Variants in FLRT2 observed in about 807,000 individuals in gnomAD.
The protein encoded by FLRT2 is fibronectin leucine rich transmembrane protein 2.
Under a neutral mutation model 40.0 loss-of-function variants are expected in FLRT2, and 15 were observed. The observed-to-expected ratio is 0.38, with a 90% CI of 0.25 to 0.58. FLRT2 has a LOEUF of 0.58. Ranked by LOEUF, FLRT2 falls within the 20% of genes least tolerant of loss-of-function variation. The pLI, the probability that FLRT2 is intolerant of heterozygous loss-of-function variation, is 0.71. For synonymous variants in FLRT2, 380 were observed against 336.8 expected (o/e 1.13, Z -1.41); for missense variants, 726 against 840.0 (o/e 0.86, Z 1.68).
Position 85,649,976 on chromosome 14 carries a change from A to C in FLRT2, c.*26479A>C. On this transcript the variant is annotated 3_prime_UTR_variant, in exon 2 of 2. Transcript: ENST00000330753. ...AACACAAGAAAGTAAAGAAAGTAATACAAGGAACACTCATGTACACATCAA... is the reference window on the plus strand; with the variant it reads ...AACACAAGAAAGTAAAGAAAGTAATCCAAGGAACACTCATGTACACATCAA... 1 of 152,162 alleles carries C rather than the reference A, an allele frequency of 6.6e-6. No individual in the cohort carries two copies. Among genetic ancestry groups the C allele is most frequent in the African/African-American group, 2.4e-5 (1 of 41,556 alleles). The allele number at this position is 152,162 out of a possible 1,614,324, so 9.4% of individuals were successfully genotyped here. A position where few individuals can be genotyped will look rare whatever the true frequency, so the allele number is the denominator to read the frequency against.
intron 1 of FLRT2, among the ~76,000 whole-genome samples, chr14:85,596,270 G>A (rs2139325401): frequency 6.6e-6 from 1 of 152,240 alleles, no homozygotes; most frequent in South Asian, 2.1e-4. Context: ...CTGTCCTCGC[G>A]GATTTAGGTG....
At chr14:85,547,289 A>C (rs1289453635) in intron 1 of FLRT2, among the ~76,000 whole-genome samples, 1 of 150,968 alleles carries the variant, frequency 6.6e-6, no homozygotes, top group Admixed American at 6.6e-5. Context: ...GTGATGTAAA[A>C]TTTTACCAAA....
intron 1 of FLRT2, among the ~76,000 whole-genome samples, chr14:85,619,575 A>T (rs1471380941): frequency 6.6e-6 from 1 of 152,188 alleles, no homozygotes; most frequent in African/African-American, 2.4e-5. Context: ...AACATCCTTG[A>T]CACTTAAATA....
Position 85,542,548 on chromosome 14 carries a change from G to A in FLRT2, c.-377+12014G>A, listed in dbSNP as rs1209500324. 1.2e-4 allele frequency among the ~76,000 whole-genome samples: 19 copies of A among 152,082 alleles called. 1 individual carries two copies. The highest frequency in any genetic ancestry group is 1.2e-3 in the Admixed American group (19 of 15,270). On this transcript the variant is annotated intron_variant, in intron 1 of 1. Transcript: ENST00000330753. ...ACCTGAGAGAAGCAGGCACTAGAGT[G>A]TATTTTGTAAGCTGTTAACATCTTA...
intron 1 of FLRT2, among the ~76,000 whole-genome samples, chr14:85,541,071 A>G (rs1888960023): frequency 6.6e-6 from 1 of 152,196 alleles, no homozygotes; most frequent in Non-Finnish European, 1.5e-5. Context: ...TGTCCTTAAT[A>G]TGATAAAAAT....
rs996676523 is a variant in FLRT2 at position 85,634,990 on chromosome 14, TCTGTGTG to T, written c.*11496_*11502del. 1.3e-5 allele frequency: 2 copies of T among 152,218 alleles called. No homozygotes were observed. Among genetic ancestry groups the T allele is most frequent in the African/African-American group, 4.8e-5 (2 of 41,456 alleles). The allele number at this position is 152,218 out of a possible 1,614,324, so 9.4% of individuals were successfully genotyped here. ...TTTGGTTCATTGGACTGATTTGTGT[TCTGTGTG>T]CTTTTAAAATTCAGGAAGATGTGAC... On this transcript the variant is annotated 3_prime_UTR_variant, in exon 2 of 2. Transcript: ENST00000330753.
chr14:85,609,628 T>G (rs1203448007), intron 1 of FLRT2, among the ~76,000 whole-genome samples: 1 of 152,160 alleles, frequency 6.6e-6, no homozygotes, highest in Non-Finnish European at 1.5e-5. Flanking sequence ...GAGACTTGGT[T>G]CTAGAAACAT....
At chr14:85,543,334 A>G (rs1459378088) in intron 1 of FLRT2, among the ~76,000 whole-genome samples, 1 of 151,966 alleles carries the variant, frequency 6.6e-6, no homozygotes, top group Non-Finnish European at 1.5e-5. Context: ...GACTTTCTGA[A>G]AGTTTTTCTG....
intron 1 of FLRT2, among the ~76,000 whole-genome samples, chr14:85,606,281 G>A (rs1313474502): frequency 6.6e-6 from 1 of 152,236 alleles, no homozygotes; most frequent in East Asian, 1.9e-4. Flanking sequence ...TTTGTTGAGG[G>A]TGTGAGAACA....
intron 1 of FLRT2, among the ~76,000 whole-genome samples, chr14:85,601,161 T>A (rs2139333552): frequency 6.6e-6 from 1 of 152,130 alleles, no homozygotes; most frequent in African/African-American, 2.4e-5. Context: ...GAAGCTGAAG[T>A]GCTGTAGGTA....
At position 85,648,405 on chromosome 14, in the gene FLRT2, T is replaced by C. The variant is rs1894359005; in HGVS notation, c.*24908T>C. On this transcript the variant is annotated 3_prime_UTR_variant, in exon 2 of 2. Transcript: ENST00000330753. Reference sequence around the variant, plus strand: ...AACGAGGTTTCACCATTAAATATACTTATACATTTGGAAAGGCAAAAATGA... The same window carrying C: ...AACGAGGTTTCACCATTAAATATACCTATACATTTGGAAAGGCAAAAATGA... The C allele has an allele frequency of 6.6e-6, 1 of 152,118 alleles. No homozygotes were observed. The highest frequency in any genetic ancestry group is 1.5e-5 in the Non-Finnish European group (1 of 68,022). 9.4% of individuals were successfully genotyped at this position (152,118 alleles called of 1,614,324 possible).
chr14:85,564,291 A>G (rs1275531141), intron 1 of FLRT2, among the ~76,000 whole-genome samples: 1 of 152,220 alleles, frequency 6.6e-6, no homozygotes, highest in African/African-American at 2.4e-5. Context: ...AATTGCCTAT[A>G]TCAGTTTAGA....
chr14:85,532,685 C>T (rs1439266721), intron 1 of FLRT2, among the ~76,000 whole-genome samples: 1 of 152,104 alleles, frequency 6.6e-6, no homozygotes, highest in Non-Finnish European at 1.5e-5. Context: ...TGGATTACTC[C>T]CCCAGTTAAA....
chr14:85,599,380 T>C (rs1020933719), intron 1 of FLRT2, among the ~76,000 whole-genome samples: 3 of 152,138 alleles, frequency 2.0e-5, no homozygotes, highest in Admixed American at 1.3e-4. Flanking sequence ...ATCTTATAAG[T>C]AGGGCGCTAC....
At position 85,623,065 on chromosome 14, in the gene FLRT2, C is replaced by T; in HGVS notation, c.1551C>T (p.Ser517=). The T allele has an allele frequency of 6.2e-7, 1 of 1,614,176 alleles. No individual in the cohort carries two copies. The highest frequency in any genetic ancestry group is 8.5e-7 in the Non-Finnish European group (1 of 1,180,018). Residue 517 remains serine, a synonymous_variant, in exon 2 of 2, where the codon TCC becomes TCT. Coordinates refer to ENST00000330753, the MANE Select transcript of FLRT2 (RefSeq NM_013231.6). ...TICSEATTHA[S]YLNNGSNTAS... ...GTTCAGAGGCCACCACCCATGCCTC[C>T]TATCTGAACAACGGCAGCAACACAG...
At position 85,622,184 on chromosome 14, in the gene FLRT2, G is replaced by A; in HGVS notation, c.670G>A (p.Gly224Ser). 1 of 1,614,048 alleles carries A rather than the reference G, an allele frequency of 6.2e-7. No homozygotes were observed. Reference sequence around the variant, plus strand: ...CCTGACCAACAAGGGTATCGCCGAGGGCACCTTCAGCCATCTCACCAAGCT... The same window carrying A: ...CCTGACCAACAAGGGTATCGCCGAGAGCACCTTCAGCCATCTCACCAAGCT... ...NLLTNKGIAEGTFSHLTKLKE... is the reference protein window; with the variant it reads ...NLLTNKGIAESTFSHLTKLKE... The change falls in exon 2 of 2, where the codon GGC (glycine) becomes AGC (serine). Residue 224 changes from glycine (G) to serine (S), a missense_variant. Around this residue, in one of 3 missense-constraint regions of FLRT2, gnomAD observed 611 missense variants for 690.0 expected, o/e 0.89. Transcript: ENST00000330753.
intron 1 of FLRT2, among the ~76,000 whole-genome samples, chr14:85,614,659 A>G (rs898717807): frequency 2.6e-5 from 4 of 152,216 alleles, no homozygotes; most frequent in Middle Eastern, 3.4e-3. Context: ...TTGCAGACCT[A>G]TGAAACCACA....
Position 85,622,839 on chromosome 14 carries a change from T to A in FLRT2, c.1325T>A (p.Leu442His), listed in dbSNP as rs1379078673. ...GATACTTCCATTCAAGTCAGCTGGC[T>A]CTCTCTCTTCACCGTGATGGCATAC... Reference protein sequence around the residue: ...VNDTSIQVSWLSLFTVMAYKL... With the variant: ...VNDTSIQVSWHSLFTVMAYKL... Residue 442 changes from leucine (L) to histidine (H), a missense_variant, in exon 2 of 2, where the codon CTC (leucine) becomes CAC (histidine). Transcript: ENST00000330753. 9 of 1,614,114 alleles carry A rather than the reference T, an allele frequency of 5.6e-6. No homozygotes were observed. Among genetic ancestry groups the A allele is most frequent in the Non-Finnish European group, 7.6e-6 (9 of 1,180,018 alleles).
At chr14:85,619,772 T>C (rs1290399456) in intron 1 of FLRT2, among the ~76,000 whole-genome samples, 1 of 152,188 alleles carries the variant, frequency 6.6e-6, no homozygotes, top group Non-Finnish European at 1.5e-5. Context: ...AAATCAAATC[T>C]GGCACCTTTC....
Sources: allele counts gnomAD v4.1 joint callset (sites outside exome capture counted in the v4.1 genomes callset), GRCh38; gene constraint gnomAD v4.1.1; regional missense constraint gnomAD v4.1.1; transcripts MANE v1.5; gene names NCBI Gene and HGNC (gene_info 2026-07-23, HGNC 2026-07-21).